WASHC5: variants seen among roughly 807,000 people sequenced by gnomAD.
WASHC5 encodes the protein WASH complex subunit strumpellin.
Under a neutral mutation model 150.4 loss-of-function variants are expected in WASHC5, and 101 were observed. The ratio of observed to expected loss-of-function variants is 0.67; its 90% CI spans 0.57 to 0.79. The LOEUF (loss-of-function observed/expected upper bound fraction) is 0.79. Ranked by LOEUF, WASHC5 falls within the 30% of genes least tolerant of loss-of-function variation. The pLI is 0.00. For synonymous variants in WASHC5, 467 were observed against 491.2 expected, an observed-to-expected ratio of 0.95 and a Z score of 0.65; for missense variants, 1,195 against 1,396.3, an observed-to-expected ratio of 0.86 and a Z score of 2.30.
intron 26 of WASHC5, among the ~76,000 whole-genome samples, chr8:125,033,098 A>G (rs913787993): frequency 2.0e-5 from 3 of 152,114 alleles, no homozygotes; most frequent in Non-Finnish European, 1.5e-5. Context: ...CAAAATGTGG[A>G]GACCCTGACC....
chr8:125,037,158 T>G (rs1815734518), intron 26 of WASHC5, 79 bp downstream of exon 26: 3 of 854,228 alleles, frequency 3.5e-6, no homozygotes, highest in Non-Finnish European at 4.0e-6. Flanking sequence ...GACATAGGCA[T>G]TCTATACAAA....
intron 11 of WASHC5, among the ~76,000 whole-genome samples, chr8:125,061,551 C>T (rs1307160995): frequency 1.3e-5 from 2 of 152,070 alleles, no homozygotes; most frequent in Admixed American, 6.6e-5. Context: ...ATCAGATCAT[C>T]GGAGAGATGA....
At chr8:125,028,374 T>G (rs560081676) in intron 28 of WASHC5, among the ~76,000 whole-genome samples, 1 of 152,098 alleles carries the variant, frequency 6.6e-6, no homozygotes, top group Non-Finnish European at 1.5e-5. Context: ...ACCAGATGAG[T>G]TGCTGACAGG....
At chr8:125,063,928 C>G (rs1404791639) in intron 10 of WASHC5, among the ~76,000 whole-genome samples, 2 of 152,092 alleles carry the variant, frequency 1.3e-5, no homozygotes, top group African/African-American at 2.4e-5. Context: ...AGGCCCACCC[C>G]CAAAGATTCT....
intron 5 of WASHC5, among the ~76,000 whole-genome samples, chr8:125,079,878 T>C (rs1817197797): frequency 6.6e-6 from 1 of 152,230 alleles, no homozygotes; most frequent in Non-Finnish European, 1.5e-5. Flanking sequence ...CGTGTATATA[T>C]ATTTTTTCAG....
In WASHC5 at chr8:125,076,333, AT is replaced by A; in HGVS notation, c.864+14del. On this transcript the variant is annotated intron_variant, in intron 7 of 28. Coordinates refer to ENST00000318410, the MANE Select transcript of WASHC5 (RefSeq NM_014846.4). ...AACACATTTACTGTAGAGGAAAAAA[AT>A]TAGCAATACTTGCCCAATTATCTGG... 6.2e-7 allele frequency: 1 copy of A among 1,613,366 alleles called. No individual in the cohort carries two copies. Among genetic ancestry groups the A allele is most frequent in the Non-Finnish European group, 8.5e-7 (1 of 1,179,404 alleles).
intron 1 of WASHC5, among the ~76,000 whole-genome samples, chr8:125,091,037 G>A (rs1301994121): frequency 2.0e-5 from 3 of 152,048 alleles, no homozygotes; most frequent in Non-Finnish European, 4.4e-5. Flanking sequence ...CTTGCAATCA[G>A]GAGACCCAGT....
intron 5 of WASHC5, among the ~76,000 whole-genome samples, 184 bp from the exon 6 acceptor site, chr8:125,079,114 G>GTATATA (rs1194077815): frequency 3.8e-4 from 27 of 71,950 alleles, no homozygotes; most frequent in Admixed American, 1.2e-3. Flanking sequence ...GTGTGTGTGT[G>GTATATA]TGTATATATA....
intron 1 of WASHC5, among the ~76,000 whole-genome samples, chr8:125,085,747 G>A (rs893121868): frequency 1.1e-4 from 16 of 152,162 alleles, no homozygotes; most frequent in African/African-American, 3.9e-4. Flanking sequence ...GTGAGCAGAT[G>A]GTAGAAGGCG....
At chr8:125,081,330 C>T (rs755605516) in intron 5 of WASHC5, among the ~76,000 whole-genome samples, 12 of 151,480 alleles carry the variant, frequency 7.9e-5, no homozygotes, top group Non-Finnish European at 1.8e-4. Flanking sequence ...CTTCGCCTCC[C>T]GAGTTCAGGC....
chr8:125,050,592 C>T lies in WASHC5; in HGVS notation c.2171G>A (p.Arg724Lys). ...LVKRVAFALH[R>K]GLIFNPRAKP... ...GGCTCGAGGGTTGAATATCAGTCCC[C>T]TATGCAGGGCAAAGGCAACGCGCTT... is the stretch of plus-strand genomic sequence containing the variant. The change falls in exon 18 of 29, where the codon AGG (arginine) becomes AAG (lysine). Residue 724 changes from arginine to lysine, a missense_variant. This residue lies in a region of WASHC5 where 997 missense variants were observed against 1,168.1 expected (regional missense o/e 0.85). Transcript: ENST00000318410. 1.9e-6 allele frequency: 3 copies of T among 1,614,136 alleles called. No individual in the cohort carries two copies. Among genetic ancestry groups the T allele is most frequent in the Non-Finnish European group, 1.7e-6 (2 of 1,179,976 alleles).
At chr8:125,032,608 G>A (rs1815574661) in intron 26 of WASHC5, 3 of 579,252 alleles carry the variant, frequency 5.2e-6, no homozygotes, top group South Asian at 2.0e-5. Flanking sequence ...CAATAAAACG[G>A]TTACTAAATT....
At chr8:125,081,236 C>CT (rs35035456) in intron 5 of WASHC5, among the ~76,000 whole-genome samples, 26,398 of 129,092 alleles carry the variant, frequency 0.2, 3,309 homozygotes, top group Middle Eastern at 0.32. Flanking sequence ...AAGAATCTTA[C>CT]TTTTTTTTTT....
chr8:125,078,307 C>T (rs6470333), intron 6 of WASHC5, among the ~76,000 whole-genome samples: 16,544 of 152,046 alleles, frequency 0.11, 2,106 homozygotes, highest in African/African-American at 0.3. Context: ...CTGCATGCTC[C>T]AGTGGCACCC....
In WASHC5 at chr8:125,059,531, G is replaced by T; in HGVS notation, c.1533C>A (p.Phe511Leu). The change falls in exon 13 of 29, where the codon TTC (phenylalanine) becomes TTA (leucine). Residue 511 changes from phenylalanine to leucine, a missense_variant. Phe to Leu is a conservative substitution (Grantham distance 22, BLOSUM62 0). Around this residue, in one of 3 missense-constraint regions of WASHC5, gnomAD observed 997 missense variants for 1,168.1 expected, o/e 0.85. Transcript: ENST00000318410. The stretch of plus-strand genomic sequence containing the variant: ...CTTGCAGATTGGATTCCAACTGGTG[G>T]AATTCTTGAACCTGTGTTACAGAAA... ...LIQALEEVQE[F>L]HQLESNLQVC... 1 of 1,613,228 alleles carries T rather than the reference G, an allele frequency of 6.2e-7. No individual in the cohort carries two copies. The highest frequency in any genetic ancestry group is 1.1e-5 in the South Asian group (1 of 91,042).
intron 27 of WASHC5, among the ~76,000 whole-genome samples, chr8:125,030,531 A>G (rs1453894491): frequency 6.6e-6 from 1 of 151,722 alleles, no homozygotes; most frequent in Non-Finnish European, 1.5e-5. Context: ...AGAATGCAAA[A>G]TCAGTAGGAG....
intron 27 of WASHC5, among the ~76,000 whole-genome samples, chr8:125,030,064 C>T (rs899816758): frequency 3.9e-5 from 6 of 152,182 alleles, no homozygotes; most frequent in African/African-American, 1.4e-4. Flanking sequence ...TGATCACCAC[C>T]CTCAGGGTTG....
chr8:125,060,208 C>T (rs1304907861), intron 12 of WASHC5, among the ~76,000 whole-genome samples: 1 of 151,966 alleles, frequency 6.6e-6, no homozygotes, highest in Non-Finnish European at 1.5e-5. Context: ...TAGAGTTGGC[C>T]GGGCACGGTG....
At chr8:125,075,736 T>C (rs1232240761) in intron 7 of WASHC5, among the ~76,000 whole-genome samples, 3 of 152,196 alleles carry the variant, frequency 2.0e-5, no homozygotes, top group Non-Finnish European at 4.4e-5. Context: ...CAACAGCCGA[T>C]ATAGAAGCAG....
Sources: allele counts gnomAD v4.1 joint callset (sites outside exome capture counted in the v4.1 genomes callset), GRCh38; gene constraint gnomAD v4.1.1; regional missense constraint gnomAD v4.1.1; transcripts MANE v1.5; gene names NCBI Gene and HGNC (gene_info 2026-07-23, HGNC 2026-07-21).